RPS6KC1: variants seen among roughly 807,000 people sequenced by gnomAD.
The protein encoded by RPS6KC1 is ribosomal protein S6 kinase C1, also known as inactive ribosomal protein S6 kinase delta-1.
RPS6KC1 carries 54 observed loss-of-function variants against 103.8 expected under a neutral mutation model. The observed-to-expected ratio is 0.52, with a 90% CI of 0.42 to 0.65. The LOEUF (loss-of-function observed/expected upper bound fraction) is 0.65, where lower values mean the gene tolerates loss of function less well. RPS6KC1 is among the 30% of genes least tolerant of loss of function. The pLI is 0.00. For synonymous variants in RPS6KC1, 439 were observed against 438.7 expected, an observed-to-expected ratio of 1.00 and a Z score of -0.01; for missense variants, 1,151 against 1,253.8, an observed-to-expected ratio of 0.92 and a Z score of 1.24.
chr1:213,572,033 G>C, the RPS6KC1 span, among the ~76,000 whole-genome samples: 2 of 152,184 alleles, frequency 1.3e-5, no homozygotes, highest in African/African-American at 2.4e-5. Flanking sequence ...TTTCTGTGAC[G>C]TTCTGTTTAG....
At chr1:213,210,443 G>C (rs1175050835) in intron 8 of RPS6KC1, among the ~76,000 whole-genome samples, 1 of 152,178 alleles carries the variant, frequency 6.6e-6, no homozygotes, top group African/African-American at 2.4e-5. Context: ...CAGAGCAAGA[G>C]GATATTACAA....
At chr1:213,490,716 A>G in the RPS6KC1 span, among the ~76,000 whole-genome samples, 1 of 152,178 alleles carries the variant, frequency 6.6e-6, no homozygotes, top group East Asian at 1.9e-4. Flanking sequence ...GTAGAAGTGC[A>G]GTGAAAGAAT....
chr1:213,494,069 CTGTAGTATATGAT>C, the RPS6KC1 span, among the ~76,000 whole-genome samples: 2 of 152,032 alleles, frequency 1.3e-5, no homozygotes, highest in Admixed American at 6.5e-5. Context: ...TGTGATAACT[CTGTAGTATATGAT>C]GCAATGATAG....
chr1:213,338,151 CT>C, the RPS6KC1 span, among the ~76,000 whole-genome samples: 1 of 152,172 alleles, frequency 6.6e-6, no homozygotes, highest in Non-Finnish European at 1.5e-5. Flanking sequence ...ATGAATGAAT[CT>C]TAGGCCTACC....
At chr1:213,805,789 T>C in the RPS6KC1 span, among the ~76,000 whole-genome samples, 1 of 152,228 alleles carries the variant, frequency 6.6e-6, no homozygotes, top group Non-Finnish European at 1.5e-5. Flanking sequence ...TTTGGCCAGA[T>C]CCATCAGGGG....
At chr1:213,328,755 T>G in the RPS6KC1 span, among the ~76,000 whole-genome samples, 1 of 151,908 alleles carries the variant, frequency 6.6e-6, no homozygotes, top group Non-Finnish European at 1.5e-5. Context: ...ATTTACTGCC[T>G]TATTACAGAC....
chr1:213,531,644 C>T, the RPS6KC1 span, among the ~76,000 whole-genome samples: 3 of 152,172 alleles, frequency 2.0e-5, no homozygotes, highest in South Asian at 4.1e-4. Context: ...AGCAAGGAAG[C>T]GGAAGCCTCC....
At chr1:213,302,524 A>G in the RPS6KC1 span, among the ~76,000 whole-genome samples, 2 of 152,242 alleles carry the variant, frequency 1.3e-5, no homozygotes, top group African/African-American at 4.8e-5. Flanking sequence ...AAAGATATCT[A>G]GTCCAAAGCG....
At chr1:213,763,502 G>A in the RPS6KC1 span, among the ~76,000 whole-genome samples, 3 of 152,170 alleles carry the variant, frequency 2.0e-5, no homozygotes, top group Admixed American at 6.5e-5. Flanking sequence ...TTCCGAGCAG[G>A]AAGAGCTCTA....
chr1:213,760,747 T>A, the RPS6KC1 span, among the ~76,000 whole-genome samples: 2 of 152,156 alleles, frequency 1.3e-5, no homozygotes, highest in Non-Finnish European at 1.5e-5. Flanking sequence ...ATTAGCCAGA[T>A]CTTGTAGATC....
intron 3 of RPS6KC1, among the ~76,000 whole-genome samples, chr1:213,090,160 G>A (rs926810951): frequency 1.3e-5 from 2 of 152,196 alleles, no homozygotes; most frequent in Admixed American, 1.3e-4. Flanking sequence ...TTTAAGACTT[G>A]TGGCACTCTA....
chr1:213,695,707 T>C, the RPS6KC1 span, among the ~76,000 whole-genome samples: 1 of 152,254 alleles, frequency 6.6e-6, no homozygotes, highest in East Asian at 1.9e-4. Context: ...TTGCCTTCAC[T>C]CAGGATAGGT....
the RPS6KC1 span, among the ~76,000 whole-genome samples, chr1:213,427,040 A>G: frequency 1.3e-5 from 2 of 152,212 alleles, no homozygotes; most frequent in African/African-American, 4.8e-5. Context: ...GTCTTGCTAA[A>G]TGCTCCATCA....
the RPS6KC1 span, among the ~76,000 whole-genome samples, chr1:213,533,486 A>G: frequency 6.6e-6 from 1 of 152,178 alleles, no homozygotes; most frequent in Non-Finnish European, 1.5e-5. Flanking sequence ...TGGAAGGAAC[A>G]TGGATAACTG....
intron 7 of RPS6KC1, among the ~76,000 whole-genome samples, chr1:213,168,211 C>T (rs1036373419): frequency 1.3e-5 from 2 of 152,170 alleles, no homozygotes; most frequent in African/African-American, 4.8e-5. Flanking sequence ...CCCTTAATCT[C>T]CTCATCTGTA....
At chr1:213,507,949 A>T in the RPS6KC1 span, among the ~76,000 whole-genome samples, 1 of 152,218 alleles carries the variant, frequency 6.6e-6, no homozygotes. Context: ...TATTATTCAA[A>T]TCAGCAGCGA....
intron 3 of RPS6KC1, among the ~76,000 whole-genome samples, chr1:213,092,627 G>T (rs1014351936): frequency 6.6e-6 from 1 of 150,644 alleles, no homozygotes; most frequent in Non-Finnish European, 1.5e-5. Context: ...AGCCCAGATC[G>T]TGCCACTGCA....
At chr1:213,618,770 A>T in the RPS6KC1 span, among the ~76,000 whole-genome samples, 1 of 152,232 alleles carries the variant, frequency 6.6e-6, no homozygotes, top group Non-Finnish European at 1.5e-5. Flanking sequence ...GGCAGGGGAA[A>T]ATGCATGAAG....
the RPS6KC1 span, among the ~76,000 whole-genome samples, chr1:213,847,641 G>T: frequency 6.6e-6 from 1 of 152,202 alleles, no homozygotes; most frequent in African/African-American, 2.4e-5. Context: ...GGGTTCCTTT[G>T]GTCTGAAATG....
Sources: gnomAD v4.1 joint callset for allele counts (sites outside exome capture counted in the v4.1 genomes callset) on GRCh38, gnomAD v4.1.1 for gene constraint, MANE v1.5 for transcripts, NCBI Gene and HGNC (gene_info 2026-07-23, HGNC 2026-07-21) for gene names.